The following GPATCH2 variants were observed in gnomAD, a reference collection of about 807,000 sequenced individuals.
GPATCH2 encodes the protein G patch domain-containing protein 2.
A neutral mutation model predicts 58.0 loss-of-function variants in GPATCH2; 51 were observed. The observed-to-expected ratio is 0.88, with a 90% confidence interval of 0.70 to 1.11. GPATCH2 has a LOEUF of 1.11. Ranked by LOEUF, GPATCH2 falls within the 50% of genes most tolerant of loss-of-function variation. GPATCH2 has a pLI of 0.00. For missense variants in GPATCH2, 625 were observed against 652.2 expected (o/e 0.96, Z 0.45); for synonymous variants, 222 against 218.5 (o/e 1.02, Z -0.14).
chr1:217,439,443 T>C (rs1659024583), intron 9 of GPATCH2, among the ~76,000 whole-genome samples: 1 of 151,824 alleles, frequency 6.6e-6, no homozygotes, highest in South Asian at 2.1e-4. Context: ...CACCCTAACA[T>C]CACAATTGAA....
chr1:217,456,564 A>G (rs192581182), intron 8 of GPATCH2, among the ~76,000 whole-genome samples: 270 of 152,294 alleles, frequency 1.8e-3, no homozygotes, highest in Non-Finnish European at 2.7e-3. Context: ...GTGTGCAAGG[A>G]GGTGAGATGC....
At position 217,514,890 on chromosome 1, in the gene GPATCH2, C is replaced by G. The variant is rs374019433; in HGVS notation, c.1099-1G>C. ...TACCCACTGGGCCAGGAATGGGTAC[C>G]TACAGGGAGATTTAAAAAGAAAAAA... On this transcript the variant is annotated splice_acceptor_variant, in intron 5 of 9. Coordinates refer to ENST00000366935, the MANE Select transcript of GPATCH2 (RefSeq NM_018040.5). LOFTEE classifies it high-confidence loss of function. The G allele has an allele frequency of 7.0e-7, 1 of 1,435,498 alleles. No individual in the cohort carries two copies. The allele number at this position is 1,435,498 out of a possible 1,614,324, so 88.9% of individuals were successfully genotyped here.
intron 6 of GPATCH2, 126 bp downstream of exon 6, chr1:217,514,696 G>T (rs2102582182): frequency 2.1e-6 from 1 of 486,702 alleles, no homozygotes; most frequent in Non-Finnish European, 3.8e-6. Flanking sequence ...ATTATCAATG[G>T]TAAATTATAC....
At chr1:217,510,262 A>G (rs886125203) in intron 6 of GPATCH2, among the ~76,000 whole-genome samples, 3 of 152,138 alleles carry the variant, frequency 2.0e-5, no homozygotes, top group Non-Finnish European at 4.4e-5. Context: ...ATAATTGATT[A>G]TAAATTATCA....
At chr1:217,519,811 G>C (rs1033089010) in intron 5 of GPATCH2, among the ~76,000 whole-genome samples, 2 of 152,042 alleles carry the variant, frequency 1.3e-5, no homozygotes, top group Non-Finnish European at 2.9e-5. Flanking sequence ...AATTCCACTA[G>C]TAACCTAATG....
At chr1:217,448,907 C>A (rs1403082664) in intron 9 of GPATCH2, among the ~76,000 whole-genome samples, 1 of 152,166 alleles carries the variant, frequency 6.6e-6, no homozygotes, top group East Asian at 1.9e-4. Flanking sequence ...CTATTAATCT[C>A]TTCTGGGGTT....
In GPATCH2 at chr1:217,431,303, T is replaced by TC; in HGVS notation, c.1428dup (p.Asn477GlufsTer19). The TC allele has an allele frequency of 6.2e-7, 1 of 1,609,658 alleles. No homozygotes were observed. Among genetic ancestry groups the TC allele is most frequent in the Non-Finnish European group, 8.5e-7 (1 of 1,175,922 alleles). The stretch of plus-strand genomic sequence containing the variant: ...CCTGACCCAGGCGTCCAGCCCATAT[T>TC]CTGAAGCATTCGGTTTCCAATATTA... On this transcript the variant is annotated frameshift_variant, in exon 10 of 10. Transcript: ENST00000366935. LOFTEE classifies it high-confidence loss of function.
chr1:217,576,945 T>C (rs1666835286), intron 5 of GPATCH2, among the ~76,000 whole-genome samples: 1 of 152,258 alleles, frequency 6.6e-6, no homozygotes, highest in Admixed American at 6.5e-5. Flanking sequence ...AGCATTGTTT[T>C]GCTTTTGCTG....
intron 8 of GPATCH2, among the ~76,000 whole-genome samples, chr1:217,457,900 T>C (rs1383171325): frequency 2.0e-5 from 3 of 152,202 alleles, no homozygotes; most frequent in Non-Finnish European, 4.4e-5. Flanking sequence ...CTGCAGATTC[T>C]CTCTTGGCCA....
chr1:217,624,258 C>T (rs912899132), intron 1 of GPATCH2, among the ~76,000 whole-genome samples: 2 of 152,220 alleles, frequency 1.3e-5, no homozygotes, highest in Non-Finnish European at 2.9e-5. Flanking sequence ...TGTCTCACGC[C>T]TGTAATCCCA....
chr1:217,511,870 T>C (rs908503520), intron 6 of GPATCH2, among the ~76,000 whole-genome samples: 12 of 151,948 alleles, frequency 7.9e-5, no homozygotes, highest in Non-Finnish European at 1.3e-4. Context: ...CCTGTATACT[T>C]ATTTATTTGT....
intron 5 of GPATCH2, among the ~76,000 whole-genome samples, chr1:217,529,464 A>G (rs1275234179): frequency 6.6e-6 from 1 of 152,128 alleles, no homozygotes; most frequent in East Asian, 1.9e-4. Context: ...GTGGGTTGTT[A>G]TAAAGCCAGG....
rs371420506 is a variant in GPATCH2, at chr1:217,591,064, C to G, written c.1098+19257G>C. ...AGGCAGTAAACAATTTAAATTAGAA[C>G]TCAAAAGGGTCACCAAGATCATATT... On this transcript the variant is annotated intron_variant, in intron 5 of 9. Transcript: ENST00000366935. 1.1e-3 allele frequency among the ~76,000 whole-genome samples: 174 copies of G among 152,146 alleles called. 2 individuals carry two copies. The highest frequency in any genetic ancestry group is 4.1e-3 in the African/African-American group (170 of 41,534).
chr1:217,558,184 A>G, intron 5 of GPATCH2, among the ~76,000 whole-genome samples: 1 of 152,218 alleles, frequency 6.6e-6, no homozygotes, highest in East Asian at 1.9e-4. Context: ...AATCTTGAAC[A>G]AATCATTCAC....
intron 5 of GPATCH2, among the ~76,000 whole-genome samples, chr1:217,571,431 T>C (rs1216292006): frequency 6.6e-6 from 1 of 152,008 alleles, no homozygotes; most frequent in Non-Finnish European, 1.5e-5. Context: ...TTAATATAAC[T>C]TGTGTTCCCA....
At chr1:217,604,580 A>T (rs899899662) in intron 5 of GPATCH2, among the ~76,000 whole-genome samples, 4 of 152,306 alleles carry the variant, frequency 2.6e-5, no homozygotes, top group Middle Eastern at 6.8e-3. Flanking sequence ...AGTGAATTCC[A>T]CTCAAAAAAT....
At chr1:217,525,747 A>AT (rs1001350984) in intron 5 of GPATCH2, among the ~76,000 whole-genome samples, 4 of 152,166 alleles carry the variant, frequency 2.6e-5, no homozygotes, top group Admixed American at 6.5e-5. Flanking sequence ...TCAGAGGGCA[A>AT]TACGGTAGTG....
chr1:217,612,628 G>C (rs932773595), intron 3 of GPATCH2, among the ~76,000 whole-genome samples: 15 of 152,008 alleles, frequency 9.9e-5, no homozygotes. Flanking sequence ...TTAAGCATAA[G>C]AAAAAACAGG....
At chr1:217,481,535 A>C (rs1175703654) in intron 8 of GPATCH2, among the ~76,000 whole-genome samples, 9 of 152,148 alleles carry the variant, frequency 5.9e-5, no homozygotes, top group Non-Finnish European at 1.0e-4. Flanking sequence ...ACTATGTATA[A>C]AAATAGTGTG....
Sources: allele counts gnomAD v4.1 joint callset (sites outside exome capture counted in the v4.1 genomes callset), GRCh38; gene constraint gnomAD v4.1.1; transcripts MANE v1.5; gene names NCBI Gene and HGNC (gene_info 2026-07-23, HGNC 2026-07-21).